The following MARCHF1 variants were observed in gnomAD, a reference collection of about 807,000 sequenced individuals.
MARCHF1 encodes membrane associated ring-CH-type finger 1.
MARCHF1 carries 40 observed loss-of-function variants against 54.2 expected under a neutral mutation model. The observed-to-expected ratio is 0.74, with a 90% CI of 0.57 to 0.96. MARCHF1 has a LOEUF of 0.96. MARCHF1 is among the 40% of genes least tolerant of loss of function. The pLI, the probability that MARCHF1 is intolerant of heterozygous loss-of-function variation, is 0.00. For synonymous variants in MARCHF1, 236 were observed against 236.3 expected (o/e 1.00, Z 0.01); for missense variants, 586 against 656.5 (o/e 0.89, Z 1.17).
chr4:163,699,963 G>GTTT (rs35324736), intron 5 of MARCHF1, among the ~76,000 whole-genome samples: 44,658 of 143,748 alleles, frequency 0.31, 8,326 homozygotes, highest in Non-Finnish European at 0.44. Flanking sequence ...GGAATATTTT[G>GTTT]TTTTTTTTTT....
At chr4:163,675,747 C>G (rs541484786) in intron 5 of MARCHF1, among the ~76,000 whole-genome samples, 1 of 152,122 alleles carries the variant, frequency 6.6e-6, no homozygotes, top group Non-Finnish European at 1.5e-5. Flanking sequence ...ACCAAACTGG[C>G]CTTCCATGGT....
At chr4:163,811,365 G>A (rs1579305248) in intron 4 of MARCHF1, among the ~76,000 whole-genome samples, 1 of 152,032 alleles carries the variant, frequency 6.6e-6, no homozygotes, top group African/African-American at 2.4e-5. Flanking sequence ...TAAATATTTT[G>A]TCTTAAGGAA....
rs1246557272 is a variant in MARCHF1 at position 163,894,658 on chromosome 4, TATGCATGTGATGC to T, written c.-38-40502_-38-40490del. 7.3e-4 allele frequency among the ~76,000 whole-genome samples: 11 copies of T among 14,972 alleles called. 4 individuals are homozygous for T. The highest frequency in any genetic ancestry group is 1.2e-3 in the African/African-American group (7 of 6,064). 9.8% of individuals were successfully genotyped at this position (14,972 alleles called of 152,430 possible). On this transcript the variant is annotated intron_variant, in intron 3 of 9. Coordinates refer to ENST00000514618, the MANE Select transcript of MARCHF1 (RefSeq NM_001394959.1). ...TATATATATGCATGTGATGCATATA[TATGCATGTGATGC>T]ATATATATGCATGTGATGCATATAT...
intron 3 of MARCHF1, among the ~76,000 whole-genome samples, chr4:163,901,013 G>A (rs1202226468): frequency 2.6e-5 from 4 of 152,116 alleles, no homozygotes; most frequent in Non-Finnish European, 5.9e-5. Flanking sequence ...ACACCACATT[G>A]CTACACTTTT....
intron 2 of MARCHF1, among the ~76,000 whole-genome samples, chr4:164,074,845 A>G (rs930123362): frequency 1.3e-5 from 2 of 149,704 alleles, no homozygotes; most frequent in Non-Finnish European, 3.0e-5. Context: ...GTAAATTCAT[A>G]AAAAATTTTA....
chr4:164,241,971 G>A (rs1461221011), intron 1 of MARCHF1, among the ~76,000 whole-genome samples: 1 of 152,192 alleles, frequency 6.6e-6, no homozygotes, highest in African/African-American at 2.4e-5. Flanking sequence ...TGGCTCGGAG[G>A]GTCCTATGCC....
At chr4:163,859,995 T>A (rs1749879244) in intron 3 of MARCHF1, among the ~76,000 whole-genome samples, 1 of 152,152 alleles carries the variant, frequency 6.6e-6, no homozygotes, top group African/African-American at 2.4e-5. Flanking sequence ...GACTTCCAGT[T>A]TAAGCTATGA....
intron 1 of MARCHF1, chr4:164,197,038 C>A: frequency 6.2e-7 from 1 of 1,605,626 alleles, no homozygotes; most frequent in Non-Finnish European, 8.5e-7. Context: ...TTCTTCTTCA[C>A]CAAGCTCTTC....
intron 1 of MARCHF1, among the ~76,000 whole-genome samples, chr4:164,364,283 G>A (rs570151857): frequency 1.2e-4 from 18 of 152,138 alleles, no homozygotes; most frequent in Admixed American, 2.6e-4. Context: ...CAGTAAAAAC[G>A]TGAGTAAAGG....
At chr4:163,795,992 T>A (rs1324191443) in intron 4 of MARCHF1, among the ~76,000 whole-genome samples, 1 of 152,152 alleles carries the variant, frequency 6.6e-6, no homozygotes, top group Non-Finnish European at 1.5e-5. Context: ...TACTATTCAT[T>A]AAATGGAAGT....
At chr4:164,316,015 C>T (rs1274142850) in intron 1 of MARCHF1, among the ~76,000 whole-genome samples, 1 of 151,980 alleles carries the variant, frequency 6.6e-6, no homozygotes, top group Non-Finnish European at 1.5e-5. Flanking sequence ...ATCTAAAATT[C>T]CTAATTTGTA....
At position 163,746,684 on chromosome 4, in the gene MARCHF1, T is replaced by C. The variant is rs1746371222; in HGVS notation, c.112-45821A>G. ...TCCCTTTTCCCATGCCTCCATTTTC[T>C]TTTTCATGATTTTTTTGGAAACACA... On this transcript the variant is annotated intron_variant, in intron 4 of 9. Transcript: ENST00000514618. Among the ~76,000 whole-genome samples, 3 of 152,158 alleles carry C rather than the reference T, an allele frequency of 2.0e-5. No homozygotes were observed. In the South Asian group the frequency reaches 6.2e-4, roughly 32 times the overall value.
intron 2 of MARCHF1, among the ~76,000 whole-genome samples, chr4:164,052,135 G>GTTTTTTTTTTTTT (rs5863653): frequency 8.1e-6 from 1 of 123,748 alleles, no homozygotes. Context: ...TCTTTTGGAA[G>GTTTTTTTTTTTTT]TTTTTTTTTT....
At chr4:164,251,766 A>G (rs2111245741) in intron 1 of MARCHF1, among the ~76,000 whole-genome samples, 1 of 152,316 alleles carries the variant, frequency 6.6e-6, no homozygotes, top group Non-Finnish European at 1.5e-5. Flanking sequence ...AAGACATCAC[A>G]TCATAGCTGC....
intron 1 of MARCHF1, among the ~76,000 whole-genome samples, chr4:164,184,116 A>G (rs1478346419): frequency 6.6e-6 from 1 of 152,166 alleles, no homozygotes; most frequent in East Asian, 1.9e-4. Context: ...CCTGAGGTTC[A>G]GATATAGGTA....
chr4:163,616,153 T>G (rs1382333144), intron 5 of MARCHF1, among the ~76,000 whole-genome samples: 2 of 152,138 alleles, frequency 1.3e-5, no homozygotes, highest in Non-Finnish European at 2.9e-5. Flanking sequence ...GACATTGATC[T>G]TTTAGAAAAG....
At position 163,528,663 on chromosome 4, in the gene MARCHF1, AAATAATTCAAGATCACTTCTGT is replaced by A. The variant is rs201565319; in HGVS notation, c.*63_*84del. On this transcript the variant is annotated 3_prime_UTR_variant, in exon 10 of 10. Coordinates refer to ENST00000514618, the MANE Select transcript of MARCHF1 (RefSeq NM_001394959.1). Reference sequence around the variant, plus strand: ...GGAGAAAGGAGGAGCTGAAGGGAGTAAATAATTCAAGATCACTTCTGTCATTTGTAGTGGCTGAGGGCTAGAA... The same window carrying A: ...GGAGAAAGGAGGAGCTGAAGGGAGTACATTTGTAGTGGCTGAGGGCTAGAA... 1.4e-4 allele frequency: 192 copies of A among 1,364,284 alleles called. 2 individuals carry two copies. The East Asian group carries it at 4.3e-3, about 31-fold the overall frequency. 84.5% of individuals were successfully genotyped at this position (1,364,284 alleles called of 1,614,324 possible). A position where few individuals can be genotyped will look rare whatever the true frequency, so the allele number is the denominator to read the frequency against.
chr4:163,856,931 C>T (rs561763255), intron 3 of MARCHF1, among the ~76,000 whole-genome samples: 34 of 151,830 alleles, frequency 2.2e-4, no homozygotes, highest in Non-Finnish European at 3.8e-4. Context: ...AGGAGAATTG[C>T]TTGAACCTGG....
intron 4 of MARCHF1, among the ~76,000 whole-genome samples, chr4:163,702,538 C>G (rs1744838983): frequency 6.6e-6 from 1 of 152,008 alleles, no homozygotes; most frequent in African/African-American, 2.4e-5. Flanking sequence ...AGGAATCACG[C>G]AAAATAAGAA....
Sources: allele counts gnomAD v4.1 joint callset (sites outside exome capture counted in the v4.1 genomes callset), GRCh38; gene constraint gnomAD v4.1.1; transcripts MANE v1.5; gene names NCBI Gene and HGNC (gene_info 2026-07-23, HGNC 2026-07-21).